The following POU2F1 variants were observed in gnomAD, a reference collection of about 807,000 sequenced individuals.
The protein encoded by POU2F1 is POU class 2 homeobox 1.
Under a neutral mutation model 84.9 loss-of-function variants are expected in POU2F1, and 16 were observed. The ratio of observed to expected loss-of-function variants is 0.19; its 90% CI spans 0.13 to 0.29. The LOEUF is 0.29. POU2F1 is among the 10% of genes least tolerant of loss of function. The pLI, the probability that POU2F1 is intolerant of heterozygous loss-of-function variation, is 1.00. For missense variants in POU2F1, 738 were observed against 942.6 expected (o/e 0.78, Z 2.84); for synonymous variants, 368 against 368.3 (o/e 1.00, Z 0.01).
Position 167,336,367 on chromosome 1 carries a change from T to A in POU2F1, c.127+3832T>A, listed in dbSNP as rs539949035. Reference sequence around the variant, plus strand: ...CCCTAATCATGTCACAGTGAACAGTTCATCCAGTAAATTGTGTATTGCAGT... The same window carrying A: ...CCCTAATCATGTCACAGTGAACAGTACATCCAGTAAATTGTGTATTGCAGT... On this transcript the variant is annotated intron_variant, in intron 2 of 15. Coordinates refer to ENST00000367866, the MANE Select transcript of POU2F1 (RefSeq NM_002697.4). Among the ~76,000 whole-genome samples, 4 of 152,338 alleles carry A rather than the reference T, an allele frequency of 2.6e-5. No homozygotes were observed. The South Asian group carries it at 8.3e-4, about 32-fold the overall frequency.
chr1:167,397,933 T>C (rs1294853823), intron 10 of POU2F1, 61 bp from the exon 11 acceptor site: 2 of 1,486,586 alleles, frequency 1.3e-6, no homozygotes, highest in African/African-American at 2.8e-5. Context: ...AATATGCATA[T>C]TATGCACATG....
intron 8 of POU2F1, among the ~76,000 whole-genome samples, chr1:167,385,771 A>C (rs1316208782): frequency 6.6e-6 from 1 of 152,220 alleles, no homozygotes; most frequent in Admixed American, 6.5e-5. Context: ...ATAATGGATA[A>C]ATTTAATTTC....
chr1:167,267,755 C>T (rs1652080937), intron 1 of POU2F1, among the ~76,000 whole-genome samples: 1 of 147,150 alleles, frequency 6.8e-6, no homozygotes, highest in African/African-American at 2.5e-5. Context: ...CATTCTCCTG[C>T]TTCAGCCTCC....
At chr1:167,255,770 G>T (rs1651085942) in intron 1 of POU2F1, among the ~76,000 whole-genome samples, 1 of 152,166 alleles carries the variant, frequency 6.6e-6, no homozygotes. Context: ...GGATTTAGGA[G>T]ACAAGAAAGA....
intron 1 of POU2F1, among the ~76,000 whole-genome samples, chr1:167,243,245 A>T (rs1650046088): frequency 6.6e-6 from 1 of 152,212 alleles, no homozygotes; most frequent in Non-Finnish European, 1.5e-5. Flanking sequence ...TGCTTATTGT[A>T]TTAGGCATTG....
intron 2 of POU2F1, chr1:167,337,923 G>C: frequency 2.7e-6 from 1 of 363,774 alleles, no homozygotes; most frequent in South Asian, 2.1e-5. Context: ...GATCAGGACA[G>C]CCCTATCTAT....
intron 2 of POU2F1, among the ~76,000 whole-genome samples, chr1:167,362,354 G>A (rs1365540396): frequency 6.6e-6 from 1 of 152,144 alleles, no homozygotes; most frequent in East Asian, 1.9e-4. Flanking sequence ...TTAGTCCAGT[G>A]TGGCCACAAT....
intron 1 of POU2F1, among the ~76,000 whole-genome samples, chr1:167,328,102 A>G (rs1349401947): frequency 6.6e-6 from 1 of 152,198 alleles, no homozygotes; most frequent in Non-Finnish European, 1.5e-5. Flanking sequence ...ATTAAGTGAA[A>G]TATACTTGAG....
intron 1 of POU2F1, among the ~76,000 whole-genome samples, chr1:167,229,880 C>G (rs1045810209): frequency 6.6e-6 from 1 of 152,194 alleles, no homozygotes; most frequent in South Asian, 2.1e-4. Flanking sequence ...GTAGCAAATA[C>G]AACTTACCTT....
chr1:167,337,815 A>G (rs868113224), intron 2 of POU2F1, among the ~76,000 whole-genome samples: 1 of 152,188 alleles, frequency 6.6e-6, no homozygotes, highest in African/African-American at 2.4e-5. Flanking sequence ...GCCACAAAGG[A>G]CATTGATTAG....
intron 1 of POU2F1, among the ~76,000 whole-genome samples, chr1:167,304,737 G>A (rs1358265123): frequency 2.0e-5 from 3 of 152,296 alleles, no homozygotes; most frequent in African/African-American, 7.2e-5. Flanking sequence ...CGTAAACTAT[G>A]TTGAAGTTCA....
At chr1:167,371,713 TAGC>T (rs1236230277) in intron 4 of POU2F1, among the ~76,000 whole-genome samples, 36 of 152,310 alleles carry the variant, frequency 2.4e-4, no homozygotes, top group African/African-American at 8.4e-4. Flanking sequence ...AAAATTGTAA[TAGC>T]AGCTTTGCTG....
In POU2F1 at chr1:167,220,951, A is replaced by T; in HGVS notation, c.54A>T (p.Ala18=). The part of the protein sequence containing the change: ...SQDESSAAAA[A]AADSRMNNPS... ...ATGAGAGTTCAGCCGCGGCGGCAGC[A>T]GCAGCAGGTAATCATTACAGCATTT... Residue 18 remains alanine, a synonymous_variant, in exon 1 of 16, where the codon GCA becomes GCT. Transcript: ENST00000367866. The T allele has an allele frequency of 6.5e-7, 1 of 1,535,284 alleles. No individual in the cohort carries two copies. The highest frequency in any genetic ancestry group is 8.7e-7 in the Non-Finnish European group (1 of 1,146,700).
chr1:167,413,093 A>G lies in POU2F1; in HGVS notation c.1969A>G (p.Ser657Gly), dbSNP rs563746696. 3 of 1,613,796 alleles carry G rather than the reference A, an allele frequency of 1.9e-6. No homozygotes were observed. The African/African-American group carries it at 4.0e-5, about 22-fold the overall frequency. ...TCTCAGCCCAGCTCTAATGAGCAAC[A>G]GTACACTGGCAACTATTCAAGGTCA... Reference protein sequence around the residue: ...GALSPALMSNSTLATIQALAS... With the variant: ...GALSPALMSNGTLATIQALAS... Residue 657 changes from serine to glycine, a missense_variant, in exon 15 of 16, where the codon AGT becomes GGT. Physicochemically the swap from Ser to Gly is moderately conservative, Grantham distance 56. Coordinates refer to ENST00000367866, the MANE Select transcript of POU2F1 (RefSeq NM_002697.4).
At chr1:167,237,766 ATATATATTTTTTTTTT>A (rs1649595623) in intron 1 of POU2F1, among the ~76,000 whole-genome samples, 16 of 58,006 alleles carry the variant, frequency 2.8e-4, no homozygotes, top group African/African-American at 9.4e-4. Flanking sequence ...ATATATATAT[ATATATATTTTTTTTTT>A]TTTTTTTTTT....
chr1:167,290,991 A>G (rs1444571393), intron 1 of POU2F1, among the ~76,000 whole-genome samples: 1 of 149,166 alleles, frequency 6.7e-6, no homozygotes, highest in African/African-American at 2.5e-5. Context: ...GGCTGCAGTG[A>G]GTTACAATTG....
chr1:167,304,924 A>G (rs1462759955), intron 1 of POU2F1, among the ~76,000 whole-genome samples: 1 of 152,232 alleles, frequency 6.6e-6, no homozygotes. Context: ...AAAGAGTATT[A>G]TTCAGAAATT....
chr1:167,381,259 A>G (rs1647520850), intron 7 of POU2F1, among the ~76,000 whole-genome samples: 1 of 151,800 alleles, frequency 6.6e-6, no homozygotes, highest in South Asian at 2.1e-4. Flanking sequence ...ATTTTTTTGT[A>G]TTTTTAGTAG....
intron 1 of POU2F1, among the ~76,000 whole-genome samples, chr1:167,307,469 CAAAAAA>C (rs11354171): frequency 7.3e-6 from 1 of 137,720 alleles, no homozygotes; most frequent in Admixed American, 7.2e-5. Flanking sequence ...CTAGGATAAC[CAAAAAA>C]AAAAAAAAAA....
Sources: allele counts gnomAD v4.1 joint callset (sites outside exome capture counted in the v4.1 genomes callset), GRCh38; gene constraint gnomAD v4.1.1; transcripts MANE v1.5; gene names NCBI Gene and HGNC (gene_info 2026-07-23, HGNC 2026-07-21).